Variants in TBC1D5 observed in about 807,000 individuals in gnomAD.
The protein encoded by TBC1D5 is TBC1 domain family member 5.
Under a neutral mutation model 100.3 loss-of-function variants are expected in TBC1D5, and 75 were observed. The observed-to-expected ratio is 0.75, with a 90% CI of 0.62 to 0.91. The LOEUF is 0.91. Ranked by LOEUF, TBC1D5 falls within the 40% of genes least tolerant of loss-of-function variation. TBC1D5 has a pLI of 0.00. For missense variants in TBC1D5, 910 were observed against 942.4 expected (o/e 0.97, Z 0.45); for synonymous variants, 323 against 325.6 (o/e 0.99, Z 0.09).
intron 17 of TBC1D5, among the ~76,000 whole-genome samples, chr3:17,231,860 C>T (rs2075450336): frequency 6.6e-6 from 1 of 152,114 alleles, no homozygotes; most frequent in African/African-American, 2.4e-5. Context: ...CCTTATCAGA[C>T]TGATACAATC....
At chr3:17,473,232 G>A (rs748765609) in intron 3 of TBC1D5, among the ~76,000 whole-genome samples, 6 of 152,070 alleles carry the variant, frequency 3.9e-5, no homozygotes, top group African/African-American at 9.7e-5. Flanking sequence ...GCAACATAGC[G>A]AGACTCTGTG....
chr3:17,396,466 CTG>C (rs1328608133), intron 8 of TBC1D5, among the ~76,000 whole-genome samples: 1 of 151,874 alleles, frequency 6.6e-6, no homozygotes, highest in African/African-American at 2.4e-5. Flanking sequence ...TTGGAGGAAA[CTG>C]TGTAGGAGAT....
rs1239140007 is a variant in TBC1D5, at chr3:17,406,529, A to G, written c.168-3T>C. On this transcript the variant is annotated splice_polypyrimidine_tract_variant and splice_region_variant and intron_variant, in intron 4 of 21. Coordinates refer to ENST00000253692, the Ensembl canonical transcript of TBC1D5. Reference sequence around the variant, plus strand: ...CAAATAGTTCTTCCCATTCTTTCCTATATGAAAGAAACCAAAGCATGAGAA... The same window carrying G: ...CAAATAGTTCTTCCCATTCTTTCCTGTATGAAAGAAACCAAAGCATGAGAA... 2 of 1,608,934 alleles carry G rather than the reference A, an allele frequency of 1.2e-6. No individual in the cohort carries two copies. The highest frequency in any genetic ancestry group is 2.7e-5 in the African/African-American group (2 of 74,646).
chr3:17,207,114 A>T (rs1180749818), intron 18 of TBC1D5, among the ~76,000 whole-genome samples: 4 of 151,976 alleles, frequency 2.6e-5, no homozygotes, highest in East Asian at 1.9e-4. Context: ...TTTTTGTTAA[A>T]TTTTTTGTAG....
rs949313866 is a variant in TBC1D5 at position 17,681,281 on chromosome 3, A to G, written c.-100-57368T>C. Among the ~76,000 whole-genome samples, 10 of 151,684 alleles carry G rather than the reference A, an allele frequency of 6.6e-5. 1 individual carries two copies. The highest frequency in any genetic ancestry group is 2.4e-4 in the African/African-American group (10 of 40,942). On this transcript the variant is annotated intron_variant, in intron 1 of 21. Coordinates refer to ENST00000253692, the Ensembl canonical transcript of TBC1D5. ...CATATTATACATATGAATAAGATTT[A>G]TTGCACAAGAATTTTTCCAATTGTT...
At chr3:17,625,421 T>C (rs2062972920) in intron 1 of TBC1D5, among the ~76,000 whole-genome samples, 1 of 152,064 alleles carries the variant, frequency 6.6e-6, no homozygotes, top group African/African-American at 2.4e-5. Flanking sequence ...TTTATGTCAC[T>C]TAATGGAGAT....
At chr3:17,382,753 G>A (rs2092998609) in intron 9 of TBC1D5, among the ~76,000 whole-genome samples, 1 of 151,790 alleles carries the variant, frequency 6.6e-6, no homozygotes, top group Non-Finnish European at 1.5e-5. Flanking sequence ...GTAGAGATGG[G>A]GTTTCACCAT....
chr3:17,435,367 T>A (rs1244782487), intron 3 of TBC1D5, among the ~76,000 whole-genome samples: 1 of 152,138 alleles, frequency 6.6e-6, no homozygotes, highest in African/African-American at 2.4e-5. Context: ...GACTGGGTAA[T>A]TTATAAAGGA....
At chr3:17,359,052 C>CTTA (rs2091476311) in intron 13 of TBC1D5, among the ~76,000 whole-genome samples, 1 of 150,396 alleles carries the variant, frequency 6.6e-6, no homozygotes. Context: ...TGTTACAAAT[C>CTTA]TATTTAAAAC....
chr3:17,328,000 G>A (rs1311938260), intron 13 of TBC1D5, among the ~76,000 whole-genome samples: 1 of 152,164 alleles, frequency 6.6e-6, no homozygotes, highest in African/African-American at 2.4e-5. Context: ...CAGGCATGGT[G>A]GCTAACACCT....
chr3:17,382,175 C>G (rs1387094970), intron 9 of TBC1D5, among the ~76,000 whole-genome samples: 2 of 151,998 alleles, frequency 1.3e-5, no homozygotes, highest in African/African-American at 4.8e-5. Context: ...TTGCTTGGCA[C>G]CAAATGTTAA....
At chr3:17,548,264 A>G (rs1232837637) in intron 2 of TBC1D5, among the ~76,000 whole-genome samples, 3 of 152,136 alleles carry the variant, frequency 2.0e-5, no homozygotes, top group African/African-American at 7.2e-5. Context: ...GCAATGAGCC[A>G]AGATCACACT....
At chr3:17,727,335 C>T (rs922193924) in intron 1 of TBC1D5, among the ~76,000 whole-genome samples, 1 of 152,090 alleles carries the variant, frequency 6.6e-6, no homozygotes, top group Non-Finnish European at 1.5e-5. Context: ...GAGCCAAGAT[C>T]GTGCCATTGC....
At chr3:17,461,669 T>C (rs2095214181) in intron 3 of TBC1D5, among the ~76,000 whole-genome samples, 1 of 123,234 alleles carries the variant, frequency 8.1e-6, no homozygotes, top group African/African-American at 3.3e-5. Flanking sequence ...TGAGTGTGTA[T>C]GTGTGTTGTT....
chr3:17,205,068 G>T (rs2071973235), intron 18 of TBC1D5, among the ~76,000 whole-genome samples: 1 of 152,144 alleles, frequency 6.6e-6, no homozygotes, highest in Non-Finnish European at 1.5e-5. Context: ...TTTGGCCTTA[G>T]ATTAAAATTA....
At chr3:17,338,614 A>G (rs1006244498) in intron 13 of TBC1D5, 1 of 152,260 alleles carries the variant, frequency 6.6e-6, no homozygotes, top group Non-Finnish European at 1.5e-5. Flanking sequence ...AGTATATTTT[A>G]TCATTAGCAA....
chr3:17,538,470 A>G (rs140912772), intron 2 of TBC1D5, among the ~76,000 whole-genome samples: 1 of 152,320 alleles, frequency 6.6e-6, no homozygotes, highest in Non-Finnish European at 1.5e-5. Context: ...AGGGATGAAC[A>G]GGGCACTTGG....
intron 3 of TBC1D5, among the ~76,000 whole-genome samples, chr3:17,493,600 G>A (rs991645841): frequency 2.0e-5 from 3 of 152,096 alleles, no homozygotes; most frequent in Admixed American, 2.0e-4. Context: ...TAACCCCATA[G>A]TTCTCAGAGG....
chr3:17,183,837 G>C (rs2068722087), intron 19 of TBC1D5, among the ~76,000 whole-genome samples: 1 of 152,312 alleles, frequency 6.6e-6, no homozygotes, highest in South Asian at 2.1e-4. Context: ...TGAAGGCAGA[G>C]AGTTTACCTC....
Sources: allele counts gnomAD v4.1 joint callset (sites outside exome capture counted in the v4.1 genomes callset), GRCh38; gene constraint gnomAD v4.1.1; transcripts MANE v1.5; gene names NCBI Gene and HGNC (gene_info 2026-07-23, HGNC 2026-07-21).